LMO7: variants seen among roughly 807,000 people sequenced by gnomAD.
LMO7 encodes LIM domain only protein 7.
LMO7 carries 120 observed loss-of-function variants against 206.5 expected under a neutral mutation model. The ratio of observed to expected loss-of-function variants is 0.58; its 90% CI spans 0.50 to 0.68. The LOEUF is 0.68. Ranked by LOEUF, LMO7 falls within the 30% of genes least tolerant of loss-of-function variation. The pLI is 0.00. For synonymous variants in LMO7, 706 were observed against 681.5 expected, an observed-to-expected ratio of 1.04 and a Z score of -0.56; for missense variants, 1,959 against 1,957.9, an observed-to-expected ratio of 1.00 and a Z score of -0.01.
intron 26 of LMO7, among the ~76,000 whole-genome samples, chr13:75,847,060 T>G (rs2060059915): frequency 6.6e-6 from 1 of 151,504 alleles, no homozygotes; most frequent in South Asian, 2.1e-4. Context: ...CAACATTTCT[T>G]TAAAGTCTGA....
intron 1 of LMO7, among the ~76,000 whole-genome samples, chr13:75,707,338 C>G (rs561524124): frequency 2.6e-4 from 39 of 151,982 alleles, no homozygotes; most frequent in South Asian, 1.5e-3. Flanking sequence ...TAAACTTTCC[C>G]AATTTTTCAT....
In LMO7 at chr13:75,667,398, T is replaced by C. The variant is rs1370500012; in HGVS notation, c.69+30672T>C. On this transcript the variant is annotated intron_variant, in intron 1 of 30. Transcript: ENST00000377534. ...TGGGTCACCAATTGTTATCCAGTAA[T>C]GTTAGCTATTTTAATGTTTTCCCGT... 1.3e-5 allele frequency among the ~76,000 whole-genome samples: 2 copies of C among 152,168 alleles called. 1 individual carries two copies. Among genetic ancestry groups the C allele is most frequent in the Admixed American group, 1.3e-4 (2 of 15,276 alleles).
chr13:75,856,800 C>T (rs2060999748), intron 30 of LMO7, 192 bp downstream of exon 30: 1 of 508,110 alleles, frequency 2.0e-6, no homozygotes, highest in Non-Finnish European at 3.6e-6. Flanking sequence ...TCCAGCTACA[C>T]AGGAGTGGGT....
intron 4 of LMO7, among the ~76,000 whole-genome samples, chr13:75,789,828 C>T (rs924335250): frequency 2.6e-5 from 4 of 152,236 alleles, no homozygotes; most frequent in East Asian, 1.9e-4. Context: ...TGGTGCACTG[C>T]GGTAAAACTA....
At chr13:75,713,132 G>A in intron 1 of LMO7, 50 bp from the exon 2 acceptor site, 1 of 1,332,522 alleles carries the variant, frequency 7.5e-7, no homozygotes, top group Non-Finnish European at 1.1e-6. Flanking sequence ...AATTGGACTT[G>A]TGTGCTATCC....
chr13:75,634,002 T>TG (rs2035394820), upstream of LMO7, among the ~76,000 whole-genome samples: 1 of 151,354 alleles, frequency 6.6e-6, no homozygotes, highest in Non-Finnish European at 1.5e-5. Flanking sequence ...AGCTAATTTT[T>TG]TTTTTTTTTT....
chr13:75,821,260 C>T lies in LMO7; in HGVS notation c.2291C>T (p.Pro764Leu). The T allele has an allele frequency of 6.2e-7, 1 of 1,613,728 alleles. No homozygotes were observed. Among genetic ancestry groups the T allele is most frequent in the Non-Finnish European group, 8.5e-7 (1 of 1,179,782 alleles). The change falls in exon 14 of 31, where the codon CCC (proline) becomes CTC (leucine). Residue 764 changes from proline (P) to leucine (L), a missense_variant. Pro to Leu is a moderately conservative substitution (Grantham distance 98). Coordinates refer to ENST00000377534, the MANE Select transcript of LMO7 (RefSeq NM_001306080.2). ...GATGTGCTGGAGGAAGGAAAGCGACCCCCTACAATGACTGTGTCAGAAGCA... is the reference window on the plus strand; with the variant it reads ...GATGTGCTGGAGGAAGGAAAGCGACTCCCTACAATGACTGTGTCAGAAGCA... ...FDDVLEEGKR[P>L]PTMTVSEASY...
intron 4 of LMO7, among the ~76,000 whole-genome samples, chr13:75,793,398 C>T (rs1054613391): frequency 3.3e-5 from 5 of 152,164 alleles, no homozygotes; most frequent in African/African-American, 1.2e-4. Flanking sequence ...GCCTCAGCCT[C>T]CTGAGTAGCT....
chr13:75,837,844 C>T (rs1016193543), intron 19 of LMO7, among the ~76,000 whole-genome samples: 2 of 152,038 alleles, frequency 1.3e-5, no homozygotes, highest in African/African-American at 2.4e-5. Flanking sequence ...CCTAAAACGG[C>T]GTGATCTAGC....
At chr13:75,750,429 G>A (rs1008171851) in intron 3 of LMO7, among the ~76,000 whole-genome samples, 7 of 99,884 alleles carry the variant, frequency 7.0e-5, no homozygotes, top group African/African-American at 2.7e-4. Context: ...TTGCTTTATT[G>A]CCCAGGCTGG....
chr13:75,654,837 T>G (rs2037894036), intron 1 of LMO7, among the ~76,000 whole-genome samples: 1 of 151,964 alleles, frequency 6.6e-6, no homozygotes, highest in South Asian at 2.1e-4. Context: ...CTTCCATCCC[T>G]TTTTACACAA....
At chr13:75,802,280 C>T (rs1214285781) in intron 7 of LMO7, among the ~76,000 whole-genome samples, 2 of 152,160 alleles carry the variant, frequency 1.3e-5, no homozygotes, top group South Asian at 2.1e-4. Context: ...ATAATTACTG[C>T]CACACGTATT....
intron 1 of LMO7, among the ~76,000 whole-genome samples, chr13:75,690,882 A>T (rs1297628876): frequency 6.6e-6 from 1 of 152,206 alleles, no homozygotes; most frequent in Non-Finnish European, 1.5e-5. Flanking sequence ...AATAGTTTCC[A>T]CTGCCTGAAT....
At chr13:75,679,174 G>A (rs539298448) in intron 1 of LMO7, among the ~76,000 whole-genome samples, 136 of 152,240 alleles carry the variant, frequency 8.9e-4, no homozygotes, top group Non-Finnish European at 4.6e-4. Flanking sequence ...TTGTACTTTA[G>A]TGACAGATTA....
At position 75,784,584 on chromosome 13, in the gene LMO7, A is replaced by G. The variant is rs531947181; in HGVS notation, c.318-10817A>G. Reference sequence around the variant, plus strand: ...GGGTTCATATCACACAGCACATTTAATATATATTAAATCACAGCTAAGGAA... The same window carrying G: ...GGGTTCATATCACACAGCACATTTAGTATATATTAAATCACAGCTAAGGAA... On this transcript the variant is annotated intron_variant, in intron 4 of 30. Coordinates refer to ENST00000377534, the MANE Select transcript of LMO7 (RefSeq NM_001306080.2). Among the ~76,000 whole-genome samples, 5 of 152,300 alleles carry G rather than the reference A, an allele frequency of 3.3e-5. No individual in the cohort carries two copies. The East Asian group carries it at 7.7e-4, about 24-fold the overall frequency.
chr13:75,698,452 G>GTTAATTTT (rs2042045977), intron 1 of LMO7, among the ~76,000 whole-genome samples: 1 of 151,912 alleles, frequency 6.6e-6, no homozygotes, highest in Non-Finnish European at 1.5e-5. Context: ...CCCTCACCTG[G>GTTAATTTT]TTAATTTTTT....
intron 27 of LMO7, among the ~76,000 whole-genome samples, chr13:75,851,239 T>C (rs941759420): frequency 2.0e-5 from 3 of 152,198 alleles, no homozygotes; most frequent in Admixed American, 1.3e-4. Context: ...TGACGATAGT[T>C]CTAAGATAAT....
intron 15 of LMO7, among the ~76,000 whole-genome samples, chr13:75,828,123 A>G (rs1013208486): frequency 2.6e-5 from 4 of 152,136 alleles, no homozygotes; most frequent in Admixed American, 1.3e-4. Context: ...TCTTTAATTG[A>G]TCCAGAAACT....
chr13:75,780,003 T>C (rs1163975835), intron 4 of LMO7, among the ~76,000 whole-genome samples: 2 of 152,240 alleles, frequency 1.3e-5, no homozygotes, highest in South Asian at 2.1e-4. Flanking sequence ...GTTTTTGTTA[T>C]GGATTTCAAA....
Sources: gnomAD v4.1 joint callset for allele counts (sites outside exome capture counted in the v4.1 genomes callset) on GRCh38, gnomAD v4.1.1 for gene constraint, MANE v1.5 for transcripts, NCBI Gene and HGNC (gene_info 2026-07-23, HGNC 2026-07-21) for gene names.